The following KIAA0513 variants were observed in gnomAD, a reference collection of about 807,000 sequenced individuals.
KIAA0513 encodes the protein uncharacterized protein KIAA0513.
In KIAA0513, 39 loss-of-function variants were observed where a neutral mutation model predicts 56.5. The ratio of observed to expected loss-of-function variants is 0.69; its 90% confidence interval spans 0.53 to 0.90. The LOEUF is 0.90. Among genes scored for constraint, KIAA0513 ranks in the 40% least tolerant of loss-of-function variants. The probability of loss-of-function intolerance (pLI) is 0.00; values close to 1 mark genes in which losing one functional copy is unlikely to be tolerated. For missense variants in KIAA0513, 591 were observed against 535.2 expected, an observed-to-expected ratio of 1.10 and a Z score of -1.03; for synonymous variants, 268 against 215.6, an observed-to-expected ratio of 1.24 and a Z score of -2.13.
chr16:85,050,309 G>T (rs2073232158), intron 1 of KIAA0513, among the ~76,000 whole-genome samples: 1 of 151,198 alleles, frequency 6.6e-6, no homozygotes, highest in South Asian at 2.1e-4. Flanking sequence ...TCCTACTCTG[G>T]AGGAGCTGTT....
intron 1 of KIAA0513, among the ~76,000 whole-genome samples, chr16:85,042,497 A>T (rs752616482): frequency 5.1e-4 from 78 of 152,104 alleles, no homozygotes; most frequent in Non-Finnish European, 1.0e-3. Flanking sequence ...GCTTGGGTTT[A>T]TCTAGACACT....
chr16:85,071,959 A>G, intron 3 of KIAA0513, 77 bp downstream of exon 3: 1 of 974,134 alleles, frequency 1.0e-6, no homozygotes, highest in African/African-American at 1.6e-5. Flanking sequence ...ATTTGACTTT[A>G]TCCTACAATG....
intron 1 of KIAA0513, among the ~76,000 whole-genome samples, chr16:85,036,929 G>A (rs1246496785): frequency 6.6e-6 from 1 of 152,126 alleles, no homozygotes; most frequent in African/African-American, 2.4e-5. Context: ...AGAAAATCCT[G>A]CTTTCATTCT....
At position 85,081,262 on chromosome 16, in the gene KIAA0513, G is replaced by A. The variant is rs117472493; in HGVS notation, c.903-53G>A. Reference sequence around the variant, plus strand: ...TTATCCCTCAAGGGGCCCACAACCCGTGTCCTCCCCGCCTCCCCTTGGAGA... The same window carrying A: ...TTATCCCTCAAGGGGCCCACAACCCATGTCCTCCCCGCCTCCCCTTGGAGA... On this transcript the variant is annotated intron_variant, in intron 8 of 12. Coordinates refer to ENST00000683363, the MANE Select transcript of KIAA0513 (RefSeq NM_001388359.1). The surrounding 1 kb of genome is among the most constrained non-coding windows in gnomAD (Gnocchi z 4.4). 20 of 1,549,978 alleles carry A rather than the reference G, an allele frequency of 1.3e-5. No individual in the cohort carries two copies. The highest frequency in any genetic ancestry group is 4.5e-5 in the South Asian group (4 of 89,582).
intron 1 of KIAA0513, among the ~76,000 whole-genome samples, chr16:85,048,081 T>G (rs1318692059): frequency 6.6e-6 from 1 of 152,098 alleles, no homozygotes; most frequent in African/African-American, 2.4e-5. Flanking sequence ...ACGTCTGGGA[T>G]TACAAACAGA....
chr16:85,081,608 G>C lies in KIAA0513; in HGVS notation c.980+216G>C, dbSNP rs1316844440. On this transcript the variant is annotated intron_variant, in intron 9 of 12. Coordinates refer to ENST00000683363, the MANE Select transcript of KIAA0513 (RefSeq NM_001388359.1). The surrounding 1 kb of genome is among the most constrained non-coding windows in gnomAD (Gnocchi z 4.4). ...TTGCATGAGCGCTTTCTGTCCTGGG[G>C]CTCTGGCATGACTTGGCCTGACCCT... 6.6e-6 allele frequency among the ~76,000 whole-genome samples: 1 copy of C among 152,134 alleles called. No homozygotes were observed. The highest frequency in any genetic ancestry group is 1.5e-5 in the Non-Finnish European group (1 of 68,026).
intron 6 of KIAA0513, among the ~76,000 whole-genome samples, chr16:85,077,843 C>A (rs1291059325): frequency 6.6e-6 from 1 of 152,198 alleles, no homozygotes; most frequent in East Asian, 1.9e-4. Flanking sequence ...GGGGGCCACA[C>A]TCCCTGGGAC....
At chr16:85,067,587 G>A (rs942662273) in intron 2 of KIAA0513, among the ~76,000 whole-genome samples, 187 bp downstream of exon 2, 17 of 152,164 alleles carry the variant, frequency 1.1e-4, no homozygotes, top group Non-Finnish European at 8.8e-5. Flanking sequence ...GCCACGTGGA[G>A]AACTTTAAAA....
rs995537333 is a variant in KIAA0513 at position 85,066,957 on chromosome 16, C to A, written c.-115C>A. On this transcript the variant is annotated 5_prime_UTR_variant, in exon 2 of 13. In the 5' UTR this introduces an upstream ATG that the reference lacks. Coordinates refer to ENST00000683363, the MANE Select transcript of KIAA0513 (RefSeq NM_001388359.1). The stretch of plus-strand genomic sequence containing the variant: ...ACTCATTCTTGGTAGCCGGCAGTTA[C>A]TGGCAACTTGTGAGCTTGGTGGGCT... 3 of 846,478 alleles carry A rather than the reference C, an allele frequency of 3.5e-6. No homozygotes were observed. Among genetic ancestry groups the A allele is most frequent in the Non-Finnish European group, 3.6e-6 (2 of 558,188 alleles). 52.4% of individuals were successfully genotyped at this position (846,478 alleles called of 1,614,324 possible).
At chr16:85,042,275 A>G (rs2143870921) in intron 1 of KIAA0513, among the ~76,000 whole-genome samples, 1 of 152,222 alleles carries the variant, frequency 6.6e-6, no homozygotes, top group East Asian at 1.9e-4. Context: ...TGGATGGGAT[A>G]TCAAATTGCT....
intron 10 of KIAA0513, among the ~76,000 whole-genome samples, chr16:85,085,264 C>T (rs754270067): frequency 2.4e-4 from 36 of 152,228 alleles, no homozygotes; most frequent in African/African-American, 6.8e-4. Context: ...GCCATCGGCA[C>T]GAGGAGGCTG....
At chr16:85,056,548 C>G (rs746383429) in intron 1 of KIAA0513, among the ~76,000 whole-genome samples, 1 of 152,216 alleles carries the variant, frequency 6.6e-6, no homozygotes, top group Non-Finnish European at 1.5e-5. Context: ...AAAACCCACC[C>G]AGCCTTCCAA....
chr16:85,054,851 G>A (rs190749330), intron 1 of KIAA0513, among the ~76,000 whole-genome samples: 32 of 152,030 alleles, frequency 2.1e-4, no homozygotes, highest in African/African-American at 7.0e-4. Flanking sequence ...CCTGGCGCGG[G>A]TGGTGGCTGC....
intron 8 of KIAA0513, chr16:85,079,285 G>T: frequency 2.1e-6 from 1 of 483,010 alleles, no homozygotes; most frequent in Non-Finnish European, 3.5e-6. Context: ...TGACCCAGCA[G>T]CTCCACTCCT....
chr16:85,045,962 C>T (rs988028150), intron 1 of KIAA0513, among the ~76,000 whole-genome samples: 3 of 152,076 alleles, frequency 2.0e-5, no homozygotes, highest in African/African-American at 7.2e-5. Context: ...CGACAATGTG[C>T]ATCTCAAAGG....
intron 1 of KIAA0513, among the ~76,000 whole-genome samples, chr16:85,050,937 C>T (rs147472590): frequency 6.6e-6 from 1 of 152,138 alleles, no homozygotes; most frequent in Non-Finnish European, 1.5e-5. Flanking sequence ...GGCAGGATCA[C>T]TTGAGCCCAG....
intron 1 of KIAA0513, among the ~76,000 whole-genome samples, chr16:85,039,567 T>C (rs1180471170): frequency 6.6e-6 from 1 of 152,094 alleles, no homozygotes; most frequent in African/African-American, 2.4e-5. Context: ...GCCTCCTGAG[T>C]AACTGGGACT....
At chr16:85,050,784 G>A (rs79334537) in intron 1 of KIAA0513, among the ~76,000 whole-genome samples, 10,008 of 152,260 alleles carry the variant, frequency 0.066, 362 homozygotes, top group Middle Eastern at 0.099. Context: ...GCTCTGTGCT[G>A]TGAGGAATGT....
At chr16:85,077,345 G>C in intron 5 of KIAA0513, 80 bp from the exon 6 acceptor site, 1 of 1,356,570 alleles carries the variant, frequency 7.4e-7, no homozygotes, top group Middle Eastern at 1.9e-4. Context: ...GACCCCTGCG[G>C]GGCTCCCTCT....
Sources: gnomAD v4.1 joint callset for allele counts (sites outside exome capture counted in the v4.1 genomes callset) on GRCh38, gnomAD v4.1.1 for gene constraint, Gnocchi (gnomAD v3.1) non-coding constraint, MANE v1.5 for transcripts, NCBI Gene and HGNC (gene_info 2026-07-23, HGNC 2026-07-21) for gene names.